The following SUCLG2 variants were observed in gnomAD, a reference collection of about 807,000 sequenced individuals.
SUCLG2 encodes succinate--CoA ligase [GDP-forming] subunit beta, mitochondrial.
In SUCLG2, 42 loss-of-function variants were observed where a neutral mutation model predicts 47.9. The observed-to-expected ratio is 0.88, with a 90% confidence interval of 0.69 to 1.14. SUCLG2 has a LOEUF of 1.14. Ranked by LOEUF, SUCLG2 falls within the 50% of genes most tolerant of loss-of-function variation. The pLI is 0.00. For missense variants in SUCLG2, 571 were observed against 525.9 expected (o/e 1.09, Z -0.84); for synonymous variants, 195 against 197.3 (o/e 0.99, Z 0.10).
chr3:67,385,008 G>A (rs1157868963), intron 10 of SUCLG2, among the ~76,000 whole-genome samples: 7 of 152,224 alleles, frequency 4.6e-5, no homozygotes, highest in East Asian at 3.8e-4. Flanking sequence ...CACACTTAGC[G>A]TCTATAAGAC....
intron 1 of SUCLG2, among the ~76,000 whole-genome samples, chr3:67,638,232 T>A (rs1184890097): frequency 6.6e-6 from 1 of 152,220 alleles, no homozygotes; most frequent in Non-Finnish European, 1.5e-5. Context: ...TAGATAATGA[T>A]AATGATAGTA....
rs181109353 is a variant in SUCLG2, at chr3:67,515,743, G to T, written c.660+2504C>A. Reference sequence around the variant, plus strand: ...TTCTACACTGTCCCATCTGCTCATTGTACACTGGCCCTCTAGAGCATTTCA... The same window carrying T: ...TTCTACACTGTCCCATCTGCTCATTTTACACTGGCCCTCTAGAGCATTTCA... On this transcript the variant is annotated intron_variant, in intron 6 of 10. Transcript: ENST00000307227. Among the ~76,000 whole-genome samples, 56 of 152,178 alleles carry T rather than the reference G, an allele frequency of 3.7e-4. 3 individuals are homozygous for T. The East Asian group carries it at 9.1e-3, about 25-fold the overall frequency.
At chr3:67,505,492 G>A (rs1705611148) in intron 7 of SUCLG2, among the ~76,000 whole-genome samples, 1 of 152,166 alleles carries the variant, frequency 6.6e-6, no homozygotes, top group Non-Finnish European at 1.5e-5. Context: ...TTGGACTGCA[G>A]TTCTTTCTCC....
At chr3:67,640,929 G>GT (rs1701091131) in intron 1 of SUCLG2, among the ~76,000 whole-genome samples, 1 of 152,200 alleles carries the variant, frequency 6.6e-6, no homozygotes, top group African/African-American at 2.4e-5. Flanking sequence ...AACATAGGTA[G>GT]TAAAATGTTA....
At chr3:67,533,296 TA>T (rs1308472999) in intron 2 of SUCLG2, among the ~76,000 whole-genome samples, 2 of 152,198 alleles carry the variant, frequency 1.3e-5, no homozygotes, top group African/African-American at 4.8e-5. Flanking sequence ...AATACTTTCC[TA>T]AATGCTAAAT....
chr3:67,393,938 C>G (rs1326110982), intron 10 of SUCLG2, among the ~76,000 whole-genome samples: 2 of 152,120 alleles, frequency 1.3e-5, no homozygotes, highest in Non-Finnish European at 2.9e-5. Flanking sequence ...CTAGCAAACT[C>G]CAACAGACCT....
At chr3:67,606,263 T>A (rs1296985473) in intron 2 of SUCLG2, among the ~76,000 whole-genome samples, 1 of 151,954 alleles carries the variant, frequency 6.6e-6, no homozygotes, top group Non-Finnish European at 1.5e-5. Flanking sequence ...CCAACCACAA[T>A]ACAATGGCTA....
intron 2 of SUCLG2, among the ~76,000 whole-genome samples, chr3:67,572,555 G>A (rs1409890806): frequency 6.6e-6 from 1 of 152,064 alleles, no homozygotes; most frequent in East Asian, 1.9e-4. Context: ...GCTATACCCT[G>A]CACAGTAAAA....
chr3:67,647,532 G>A (rs1701213201), intron 1 of SUCLG2, among the ~76,000 whole-genome samples: 1 of 152,214 alleles, frequency 6.6e-6, no homozygotes, highest in Non-Finnish European at 1.5e-5. Context: ...TAAGCACACA[G>A]TGAAAGTCAT....
intron 7 of SUCLG2, 136 bp downstream of exon 7, chr3:67,508,671 T>C: frequency 1.4e-6 from 1 of 701,438 alleles, no homozygotes; most frequent in Non-Finnish European, 2.4e-6. Context: ...CATGGGAGCA[T>C]TTCAAACTAT....
chr3:67,450,177 G>A (rs562554159), intron 9 of SUCLG2, among the ~76,000 whole-genome samples: 8 of 152,108 alleles, frequency 5.3e-5, no homozygotes, highest in South Asian at 4.2e-4. Context: ...CAGTAGCTAG[G>A]ACAACAGACA....
intron 2 of SUCLG2, among the ~76,000 whole-genome samples, chr3:67,555,966 T>C (rs1342587212): frequency 6.6e-6 from 1 of 152,204 alleles, no homozygotes; most frequent in Admixed American, 6.5e-5. Flanking sequence ...TGATGGGACA[T>C]ATATAAACAC....
chr3:67,421,919 G>A (rs1391881275), intron 9 of SUCLG2, among the ~76,000 whole-genome samples: 1 of 152,168 alleles, frequency 6.6e-6, no homozygotes, highest in Non-Finnish European at 1.5e-5. Context: ...TTATGTTGAG[G>A]AGCAGGATAT....
At chr3:67,641,715 C>T (rs1242454138) in intron 1 of SUCLG2, among the ~76,000 whole-genome samples, 1 of 152,098 alleles carries the variant, frequency 6.6e-6, no homozygotes, top group Non-Finnish European at 1.5e-5. Flanking sequence ...TACTGGGTAT[C>T]CTAGGACTGG....
At chr3:67,398,847 A>T (rs1702614068) in intron 10 of SUCLG2, among the ~76,000 whole-genome samples, 1 of 152,174 alleles carries the variant, frequency 6.6e-6, no homozygotes, top group African/African-American at 2.4e-5. Context: ...AGTCATAAAA[A>T]ATGATGAGTT....
intron 2 of SUCLG2, among the ~76,000 whole-genome samples, chr3:67,571,415 C>T (rs550798867): frequency 6.6e-6 from 1 of 152,290 alleles, no homozygotes; most frequent in South Asian, 2.1e-4. Context: ...AACCCCAGGT[C>T]TGAGACAACA....
intron 2 of SUCLG2, among the ~76,000 whole-genome samples, chr3:67,587,014 C>T (rs1192769252): frequency 6.6e-6 from 1 of 152,142 alleles, no homozygotes; most frequent in Admixed American, 6.6e-5. Context: ...ATTAATGTAT[C>T]CAGTCTTGAA....
At chr3:67,475,710 C>T (rs1024862530) in intron 9 of SUCLG2, among the ~76,000 whole-genome samples, 3 of 150,854 alleles carry the variant, frequency 2.0e-5, no homozygotes, top group African/African-American at 7.3e-5. Flanking sequence ...ATTGATTTTC[C>T]TTCCCCTCCT....
At chr3:67,590,267 G>C (rs1040453199) in intron 2 of SUCLG2, among the ~76,000 whole-genome samples, 4 of 152,198 alleles carry the variant, frequency 2.6e-5, no homozygotes, top group African/African-American at 7.2e-5. Context: ...ATACCTCCCT[G>C]TGTATTCCAG....
Sources: gnomAD v4.1 joint callset for allele counts (sites outside exome capture counted in the v4.1 genomes callset) on GRCh38, gnomAD v4.1.1 for gene constraint, MANE v1.5 for transcripts, NCBI Gene and HGNC (gene_info 2026-07-23, HGNC 2026-07-21) for gene names.